SEM1: variants seen among roughly 807,000 people sequenced by gnomAD.
SEM1 encodes 26S proteasome complex subunit SEM1.
SEM1 carries 3 observed loss-of-function variants against 12.7 expected under a neutral mutation model. The observed-to-expected ratio is 0.24, with a 90% CI of 0.11 to 0.61. SEM1 has a LOEUF of 0.61. Among genes scored for constraint, SEM1 ranks in the 20% least tolerant of loss-of-function variants. SEM1 has a pLI of 0.88. For synonymous variants in SEM1, 30 were observed against 27.8 expected, an observed-to-expected ratio of 1.08 and a Z score of -0.25; for missense variants, 59 against 81.3, an observed-to-expected ratio of 0.73 and a Z score of 1.06.
intron 2 of SEM1, among the ~76,000 whole-genome samples, chr7:96,682,017 G>C (rs1006832998): frequency 3.9e-5 from 6 of 152,102 alleles, no homozygotes; most frequent in African/African-American, 1.4e-4. Context: ...CAATCTATGA[G>C]GATGGAATGT....
intron 2 of SEM1, among the ~76,000 whole-genome samples, chr7:96,663,886 C>T (rs1789084932): frequency 6.6e-6 from 1 of 151,954 alleles, no homozygotes; most frequent in African/African-American, 2.4e-5. Flanking sequence ...ATATATAGTC[C>T]AAAAGTATAT....
chr7:96,632,784 GTTTTT>G (rs11296451), intron 2 of SEM1, among the ~76,000 whole-genome samples: 1 of 110,188 alleles, frequency 9.1e-6, no homozygotes. Context: ...GTTGTTTTTT[GTTTTT>G]TTTTTTTTTT....
chr7:96,588,353 A>AACACAC (rs56655484), intron 2 of SEM1, among the ~76,000 whole-genome samples: 5 of 141,046 alleles, frequency 3.5e-5, no homozygotes, highest in African/African-American at 1.4e-4. Flanking sequence ...TCTAAAAACA[A>AACACAC]ACACACACAC....
chr7:96,505,583 T>C (rs1422507570), intron 3 of SEM1, among the ~76,000 whole-genome samples: 1 of 152,184 alleles, frequency 6.6e-6, no homozygotes, highest in Non-Finnish European at 1.5e-5. Context: ...TTAGTCTGTT[T>C]TGGCTGCTAT....
chr7:96,685,783 T>TAAAA (rs529595521), downstream of SEM1, among the ~76,000 whole-genome samples: 2 of 118,350 alleles, frequency 1.7e-5, no homozygotes, highest in Admixed American at 8.7e-5. Context: ...CATGGCTCAG[T>TAAAA]AAAAAAAAAA....
chr7:96,700,736 A>G lies in SEM1; in HGVS notation c.77-5845T>C, dbSNP rs144225863. Among the ~76,000 whole-genome samples, 268 of 152,334 alleles carry G rather than the reference A, an allele frequency of 1.8e-3. 1 individual carries two copies. The highest frequency in any genetic ancestry group is 3.5e-3 in the Non-Finnish European group (241 of 68,034). On this transcript the variant is annotated intron_variant, in intron 1 of 2. Coordinates refer to ENST00000248566, the MANE Select transcript of SEM1 (RefSeq NM_006304.2). The stretch of plus-strand genomic sequence containing the variant: ...CAATTGCTTACTGCTTGCTCATTCC[A>G]TAGAACCAATGAAATAGCTAACCAA...
chr7:96,646,640 G>GCCCACT (rs572276333), intron 2 of SEM1, among the ~76,000 whole-genome samples: 3 of 152,010 alleles, frequency 2.0e-5, no homozygotes, highest in South Asian at 2.1e-4. Context: ...GAAGTTGTTT[G>GCCCACT]CCCACTCCCA....
At chr7:96,707,536 C>T (rs1030066301) in intron 1 of SEM1, among the ~76,000 whole-genome samples, 3 of 152,160 alleles carry the variant, frequency 2.0e-5, no homozygotes, top group African/African-American at 7.2e-5. Flanking sequence ...TACCTGAAGA[C>T]AACAAACATT....
intron 2 of SEM1, among the ~76,000 whole-genome samples, chr7:96,634,658 G>A (rs540131685): frequency 3.1e-4 from 47 of 150,722 alleles, no homozygotes; most frequent in Non-Finnish European, 5.2e-4. Flanking sequence ...GTATAATTTT[G>A]ACTTGAGGAG....
chr7:96,671,588 C>A (rs987022117), downstream of SEM1, among the ~76,000 whole-genome samples: 2 of 152,080 alleles, frequency 1.3e-5, no homozygotes, highest in African/African-American at 4.8e-5. Flanking sequence ...GAAAGGGAGG[C>A]ACAGAGCTCA....
At chr7:96,656,039 T>C (rs983474312) in intron 2 of SEM1, among the ~76,000 whole-genome samples, 5 of 152,182 alleles carry the variant, frequency 3.3e-5, no homozygotes, top group African/African-American at 4.8e-5. Context: ...ATGGGGAGCA[T>C]GTCCTTTTGC....
intron 2 of SEM1, among the ~76,000 whole-genome samples, chr7:96,535,659 G>C (rs956885548): frequency 1.8e-4 from 27 of 151,712 alleles, no homozygotes; most frequent in Non-Finnish European, 5.9e-5. Context: ...GCCTCTTTCT[G>C]TCCATGTGTT....
At chr7:96,601,346 A>G (rs1807194215) in intron 2 of SEM1, among the ~76,000 whole-genome samples, 1 of 152,154 alleles carries the variant, frequency 6.6e-6, no homozygotes, top group Admixed American at 6.6e-5. Context: ...AAAAAAAGTC[A>G]ATTGGGGTAA....
intron 2 of SEM1, among the ~76,000 whole-genome samples, chr7:96,604,370 C>T (rs1807282510): frequency 6.6e-6 from 1 of 152,226 alleles, no homozygotes; most frequent in South Asian, 2.1e-4. Context: ...TTATGGTTGC[C>T]CCCTTTCATC....
chr7:96,663,398 G>C (rs780510133), intron 2 of SEM1, among the ~76,000 whole-genome samples: 11 of 152,220 alleles, frequency 7.2e-5, no homozygotes, highest in Non-Finnish European at 1.6e-4. Flanking sequence ...TGGAATTAAA[G>C]GTGCAAGAGA....
chr7:96,521,190 C>A (rs990862980), intron 2 of SEM1, among the ~76,000 whole-genome samples: 2 of 152,092 alleles, frequency 1.3e-5, no homozygotes, highest in Non-Finnish European at 2.9e-5. Context: ...CCATTTCCAG[C>A]CTCAGTCAGA....
intron 2 of SEM1, among the ~76,000 whole-genome samples, chr7:96,657,957 A>C (rs1295495259): frequency 6.6e-6 from 1 of 152,208 alleles, no homozygotes. Flanking sequence ...GGCAGGACTG[A>C]GAAGCCACCT....
rs527911263 is a variant in SEM1 at position 96,531,392 on chromosome 7, G to T, written c.171-24694C>A. ...AAGACCAGCCTGGGCAACATGGTGA[G>T]ATCCTGTCTCTATAAAAAATATAAA... On this transcript the variant is annotated intron_variant and NMD_transcript_variant, in intron 2 of 3. Coordinates refer to the SEM1 transcript ENST00000466986. 4.7e-5 allele frequency among the ~76,000 whole-genome samples: 7 copies of T among 149,500 alleles called. No homozygotes were observed. The East Asian group carries it at 1.4e-3, about 30-fold the overall frequency.
chr7:96,697,438 T>C (rs1563117937), intron 1 of SEM1: 1 of 152,100 alleles, frequency 6.6e-6, no homozygotes, highest in Admixed American at 6.6e-5. Flanking sequence ...AAAATTCTTT[T>C]AATACTTACT....
Sources: allele counts gnomAD v4.1 joint callset (sites outside exome capture counted in the v4.1 genomes callset), GRCh38; gene constraint gnomAD v4.1.1; transcripts MANE v1.5; gene names NCBI Gene and HGNC (gene_info 2026-07-23, HGNC 2026-07-21).